Variants in FRMD6 observed in about 807,000 individuals in gnomAD.
FRMD6 encodes the protein FERM domain-containing protein 6.
FRMD6 carries 37 observed loss-of-function variants against 73.2 expected under a neutral mutation model. The observed-to-expected ratio is 0.51, with a 90% confidence interval of 0.39 to 0.66. The LOEUF is 0.66. Among genes scored for constraint, FRMD6 ranks in the 30% least tolerant of loss-of-function variants. The probability of loss-of-function intolerance (pLI) is 0.00; values close to 1 mark genes in which losing one functional copy is unlikely to be tolerated. For missense variants in FRMD6, 714 were observed against 780.5 expected (o/e 0.91, Z 1.02); for synonymous variants, 273 against 282.2 (o/e 0.97, Z 0.33).
chr14:51,554,191 CAAATA>C (rs1282733109), intron 1 of FRMD6, among the ~76,000 whole-genome samples: 2 of 151,906 alleles, frequency 1.3e-5, no homozygotes, highest in Admixed American at 1.3e-4. Context: ...AACAATTTGA[CAAATA>C]AAATAAATAA....
At chr14:51,691,587 G>GTTT (rs1895575218) in intron 2 of FRMD6, among the ~76,000 whole-genome samples, 12 of 90,566 alleles carry the variant, frequency 1.3e-4, no homozygotes, top group South Asian at 3.3e-4. Context: ...TTTTGATTTT[G>GTTT]ATTTTTTTTT....
At chr14:51,614,124 G>A (rs926274650) in intron 2 of FRMD6, among the ~76,000 whole-genome samples, 17 of 152,068 alleles carry the variant, frequency 1.1e-4, no homozygotes, top group Non-Finnish European at 2.4e-4. Context: ...CACACAAAAT[G>A]TTCAAGAATT....
chr14:51,491,915 G>T (rs1303471198), intron 1 of FRMD6, among the ~76,000 whole-genome samples: 1 of 152,222 alleles, frequency 6.6e-6, no homozygotes, highest in Non-Finnish European at 1.5e-5. Flanking sequence ...GAGACCAAAG[G>T]ACTTCCTCTG....
At chr14:51,474,653 G>C in the FRMD6 span, among the ~76,000 whole-genome samples, 1 of 152,118 alleles carries the variant, frequency 6.6e-6, no homozygotes, top group South Asian at 2.1e-4. Context: ...CATTGGAGTG[G>C]GCCAGCCCAC....
chr14:51,689,814 A>T lies in FRMD6; in HGVS notation c.-23A>T, dbSNP rs1208799558. The T allele has an allele frequency of 6.7e-7, 1 of 1,488,960 alleles. No individual in the cohort carries two copies. Among genetic ancestry groups the T allele is most frequent in the Non-Finnish European group, 9.4e-7 (1 of 1,067,496 alleles). 92.2% of individuals were successfully genotyped at this position (1,488,960 alleles called of 1,614,324 possible). The stretch of plus-strand genomic sequence containing the variant: ...GCCAAGGACCCAGAGCCCAGCCCTG[A>T]CCACCAGAGTGCCCAAAACACAATG... On this transcript the variant is annotated 5_prime_UTR_variant, in exon 2 of 14. It removes the in-frame stop codon of an upstream open reading frame in the 5' UTR. Coordinates refer to ENST00000344768, the MANE Select transcript of FRMD6 (RefSeq NM_001267046.2).
rs530920648 is a variant in FRMD6, at chr14:51,675,062, T to C, written c.-146-14629T>C. Among the ~76,000 whole-genome samples, 10 of 152,268 alleles carry C rather than the reference T, an allele frequency of 6.6e-5. No homozygotes were observed. The East Asian group carries it at 1.9e-3, about 29-fold the overall frequency. Reference sequence around the variant, plus strand: ...GAAATAATGCCTGTGAATTGGCATATGGGAAATAGAATGTTGCTAGATAGG... The same window carrying C: ...GAAATAATGCCTGTGAATTGGCATACGGGAAATAGAATGTTGCTAGATAGG... On this transcript the variant is annotated intron_variant, in intron 1 of 13. Coordinates refer to ENST00000344768, the MANE Select transcript of FRMD6 (RefSeq NM_001267046.2).
At position 51,518,387 on chromosome 14, in the gene FRMD6, G is replaced by A. The variant is rs575500235; in HGVS notation, c.-210+28967G>A. Among the ~76,000 whole-genome samples the A allele has an allele frequency of 1.4e-4, 22 of 152,260 alleles. 1 individual carries two copies. In the South Asian group the frequency reaches 4.2e-3, roughly 29 times the overall value. ...TCTAAGGGCAGCGAAAAAGAATGCTGGAGTCCCAGCTAGTCCACTTTGCTG... is the reference window on the plus strand; with the variant it reads ...TCTAAGGGCAGCGAAAAAGAATGCTAGAGTCCCAGCTAGTCCACTTTGCTG... On this transcript the variant is annotated intron_variant, in intron 1 of 14. Coordinates refer to the FRMD6 transcript ENST00000356218.
chr14:51,588,742 T>C (rs190351140), intron 2 of FRMD6, among the ~76,000 whole-genome samples: 16 of 152,314 alleles, frequency 1.1e-4, no homozygotes, highest in African/African-American at 3.9e-4. Flanking sequence ...TCTGGCGAAC[T>C]TAAACTGTAA....
chr14:51,660,760 A>C lies in FRMD6; in HGVS notation c.-147+8764A>C, dbSNP rs998003669. Among the ~76,000 whole-genome samples the C allele has an allele frequency of 4.6e-5, 7 of 152,202 alleles. 1 individual carries two copies. The highest frequency in any genetic ancestry group is 3.9e-4 in the Admixed American group (6 of 15,282). ...GTAGAGCAGGCTAAGGGACAGTAGG[A>C]GTGCTGGGGGAGGGAGGCAGGGACT... On this transcript the variant is annotated intron_variant, in intron 1 of 13. Transcript: ENST00000344768.
chr14:51,550,693 A>C (rs961047345), intron 1 of FRMD6, among the ~76,000 whole-genome samples: 1 of 152,152 alleles, frequency 6.6e-6, no homozygotes, highest in Admixed American at 6.5e-5. Context: ...GAAATCAGAA[A>C]ACCTTGATTT....
chr14:51,701,105 T>C lies in FRMD6; in HGVS notation c.240T>C (p.Cys80=). Residue 80 remains cysteine (C), a synonymous_variant, in exon 4 of 14, where the codon TGT becomes TGC. Transcript: ENST00000344768. ...TGTCACAAAAGCTTTACAAATATTG[T>C]CCAAAAGAATGGAAGAAAGAGGCCA... ...MELSQKLYKY[C]PKEWKKEASK... is the part of the protein sequence containing the mutation. 6.3e-7 allele frequency: 1 copy of C among 1,580,208 alleles called. No individual in the cohort carries two copies. Among genetic ancestry groups the C allele is most frequent in the Non-Finnish European group, 8.6e-7 (1 of 1,159,966 alleles).
At chr14:51,644,188 G>A (rs767866803) in intron 2 of FRMD6, among the ~76,000 whole-genome samples, 3 of 151,910 alleles carry the variant, frequency 2.0e-5, no homozygotes, top group South Asian at 2.1e-4. Flanking sequence ...TAAACATTAC[G>A]TGAACTGAGT....
chr14:51,703,600 C>A (rs1187555882), intron 5 of FRMD6, among the ~76,000 whole-genome samples: 3 of 151,954 alleles, frequency 2.0e-5, no homozygotes, highest in Non-Finnish European at 2.9e-5. Context: ...AAATAGTTAA[C>A]CCCCTGGGGC....
At chr14:51,584,452 G>T (rs11627579) in intron 2 of FRMD6, among the ~76,000 whole-genome samples, 65,103 of 152,086 alleles carry the variant, frequency 0.43, 14,302 homozygotes, top group Middle Eastern at 0.5. Flanking sequence ...CTCCAAGCTG[G>T]CATAGCTTTG....
In FRMD6 at chr14:51,644,393, TCA is replaced by T. The variant is rs1491119572; in HGVS notation, c.-146-45296_-146-45295del. On this transcript the variant is annotated intron_variant, in intron 2 of 14. Coordinates refer to the FRMD6 transcript ENST00000356218. ...CACACACACACACACACACACTCAC[TCA>T]CTCTCTCTCTCTCTCTCTCCCTCCC... Among the ~76,000 whole-genome samples the T allele has an allele frequency of 6.1e-3, 534 of 87,894 alleles. 2 individuals are homozygous for T. Among genetic ancestry groups the T allele is most frequent in the South Asian group, 0.027 (70 of 2,572 alleles). The allele number at this position is 87,894 out of a possible 152,430, so 57.7% of individuals were successfully genotyped here. A position where few individuals can be genotyped will look rare whatever the true frequency, so the allele number is the denominator to read the frequency against.
At chr14:51,587,431 T>C (rs1353039305) in intron 2 of FRMD6, among the ~76,000 whole-genome samples, 1 of 152,228 alleles carries the variant, frequency 6.6e-6, no homozygotes, top group African/African-American at 2.4e-5. Flanking sequence ...CTTGGGTTAA[T>C]TGTATGGCCG....
At chr14:51,500,330 C>T (rs1367190205) in intron 1 of FRMD6, among the ~76,000 whole-genome samples, 1 of 151,862 alleles carries the variant, frequency 6.6e-6, no homozygotes, top group African/African-American at 2.4e-5. Context: ...AGTTTGAGAC[C>T]AGCTTGACCT....
chr14:51,551,634 G>T (rs933557760), intron 1 of FRMD6, among the ~76,000 whole-genome samples: 1 of 152,118 alleles, frequency 6.6e-6, no homozygotes, highest in African/African-American at 2.4e-5. Flanking sequence ...CTACTTGGGG[G>T]GCTGAGGTGG....
intron 2 of FRMD6, among the ~76,000 whole-genome samples, chr14:51,613,320 T>C (rs1171384329): frequency 6.6e-6 from 1 of 152,020 alleles, no homozygotes; most frequent in African/African-American, 2.4e-5. Context: ...TTTGCATGTG[T>C]GGGTGTGGTG....
Sources: gnomAD v4.1 joint callset for allele counts (sites outside exome capture counted in the v4.1 genomes callset) on GRCh38, gnomAD v4.1.1 for gene constraint, MANE v1.5 for transcripts, NCBI Gene and HGNC (gene_info 2026-07-23, HGNC 2026-07-21) for gene names.